The following BBS9 variants were observed in gnomAD, a reference collection of about 807,000 sequenced individuals.
BBS9 encodes protein PTHB1.
BBS9 carries 89 observed loss-of-function variants against 117.7 expected under a neutral mutation model. That is an observed-to-expected ratio of 0.76 (90% confidence interval 0.64 to 0.90). BBS9 has a LOEUF of 0.90. Among genes scored for constraint, BBS9 ranks in the 40% least tolerant of loss-of-function variants. The pLI is 0.00. For missense variants in BBS9, 982 were observed against 1,042.2 expected (o/e 0.94, Z 0.80); for synonymous variants, 379 against 370.9 (o/e 1.02, Z -0.25).
chr7:33,459,178 T>G (rs933179936), intron 19 of BBS9, among the ~76,000 whole-genome samples: 2 of 152,216 alleles, frequency 1.3e-5, no homozygotes, highest in Non-Finnish European at 2.9e-5. Context: ...TTCCCTTTGC[T>G]TGTTCTTTAA....
chr7:33,400,670 A>T (rs1323105559), intron 19 of BBS9, among the ~76,000 whole-genome samples: 3 of 152,164 alleles, frequency 2.0e-5, no homozygotes, highest in African/African-American at 7.2e-5. Flanking sequence ...CTGTTTTTAT[A>T]AGCATATCTA....
chr7:33,357,794 AT>A, intron 15 of BBS9, 60 bp from the exon 16 acceptor site: 248 of 1,521,504 alleles, frequency 1.6e-4, no homozygotes, highest in Non-Finnish European at 1.9e-4. Flanking sequence ...TAGTAGTACA[AT>A]TTTTTTTTGC....
Position 33,379,148 on chromosome 7 carries a change from T to C in BBS9, c.1790-4518T>C, listed in dbSNP as rs541851296. Among the ~76,000 whole-genome samples the C allele has an allele frequency of 7.2e-5, 11 of 152,370 alleles. No homozygotes were observed. The South Asian group carries it at 2.3e-3, about 32-fold the overall frequency. On this transcript the variant is annotated intron_variant, in intron 17 of 22. Coordinates refer to ENST00000242067, the MANE Select transcript of BBS9 (RefSeq NM_198428.3). Reference sequence around the variant, plus strand: ...TCCTCGTCTGTGTTTTATAAACACATTTCTGCCTCAGTGCCTTTGTCCCTA... The same window carrying C: ...TCCTCGTCTGTGTTTTATAAACACACTTCTGCCTCAGTGCCTTTGTCCCTA...
chr7:33,515,156 TA>T (rs1176805196), intron 20 of BBS9, among the ~76,000 whole-genome samples: 1 of 152,234 alleles, frequency 6.6e-6, no homozygotes, highest in African/African-American at 2.4e-5. Flanking sequence ...AACTATGATG[TA>T]ATAGTTTTAT....
chr7:33,436,991 G>T (rs1315619540), intron 19 of BBS9, among the ~76,000 whole-genome samples: 1 of 152,158 alleles, frequency 6.6e-6, no homozygotes, highest in Non-Finnish European at 1.5e-5. Context: ...GGTGAGATTT[G>T]TACATGAGTG....
At chr7:33,192,678 C>T (rs1784319361) in intron 5 of BBS9, among the ~76,000 whole-genome samples, 3 of 152,146 alleles carry the variant, frequency 2.0e-5, no homozygotes, top group Non-Finnish European at 2.9e-5. Context: ...ACACCTGAGA[C>T]TGGGTAATTT....
At chr7:33,131,347 G>C (rs1789584263) in intron 1 of BBS9, among the ~76,000 whole-genome samples, 1 of 152,212 alleles carries the variant, frequency 6.6e-6, no homozygotes, top group Non-Finnish European at 1.5e-5. Flanking sequence ...ACTTGTTTAA[G>C]ATCATGTAGT....
chr7:33,253,241 C>T (rs1413138447), intron 5 of BBS9, among the ~76,000 whole-genome samples: 1 of 152,150 alleles, frequency 6.6e-6, no homozygotes, highest in South Asian at 2.1e-4. Flanking sequence ...GATCTTTAGG[C>T]TCAGATTAGG....
At chr7:33,508,077 A>G (rs1846399009) in intron 20 of BBS9, among the ~76,000 whole-genome samples, 1 of 152,246 alleles carries the variant, frequency 6.6e-6, no homozygotes, top group African/African-American at 2.4e-5. Flanking sequence ...AAATTACACA[A>G]TTTATATTTT....
At chr7:33,262,024 T>C (rs939887236) in intron 6 of BBS9, among the ~76,000 whole-genome samples, 5 of 152,208 alleles carry the variant, frequency 3.3e-5, no homozygotes, top group African/African-American at 1.2e-4. Context: ...GTTTTAGAAA[T>C]AGATTTTTAC....
intron 9 of BBS9, among the ~76,000 whole-genome samples, chr7:33,281,267 T>C (rs191042298): frequency 8.6e-4 from 131 of 151,918 alleles, no homozygotes; most frequent in Middle Eastern, 3.4e-3. Context: ...TAAAATGACC[T>C]CTTTTGGGTT....
Position 33,436,835 on chromosome 7 carries a change from A to G in BBS9, c.2115+48691A>G, listed in dbSNP as rs186984041. Among the ~76,000 whole-genome samples the G allele has an allele frequency of 4.6e-5, 7 of 152,374 alleles. No homozygotes were observed. The East Asian group carries it at 1.3e-3, about 29-fold the overall frequency. The stretch of plus-strand genomic sequence containing the variant: ...TGTTCTCATTGTTAATAGATGCCAG[A>G]TAAATGTTTTCCAGATTATCTTGAA... On this transcript the variant is annotated intron_variant, in intron 19 of 22. Coordinates refer to ENST00000242067, the MANE Select transcript of BBS9 (RefSeq NM_198428.3).
chr7:33,241,763 T>A (rs1031125640), intron 5 of BBS9, among the ~76,000 whole-genome samples: 1 of 152,106 alleles, frequency 6.6e-6, no homozygotes, highest in Non-Finnish European at 1.5e-5. Flanking sequence ...ATTTTTTATT[T>A]CTCAAATTTC....
chr7:33,423,819 C>A (rs1584773653), intron 19 of BBS9, among the ~76,000 whole-genome samples: 1 of 152,076 alleles, frequency 6.6e-6, no homozygotes, highest in African/African-American at 2.4e-5. Flanking sequence ...CAGGGGGTAG[C>A]CATGATTTGG....
At position 33,527,489 on chromosome 7, in the gene BBS9, C is replaced by T. The variant is rs960414010; in HGVS notation, c.2299-6465C>T. The stretch of plus-strand genomic sequence containing the variant: ...AAGCGGGTCTGAAAAGCGCAATATT[C>T]GGGTGGGAGTGACCCGATTTTCCAG... On this transcript the variant is annotated intron_variant, in intron 20 of 22. Transcript: ENST00000242067. 5.3e-4 allele frequency among the ~76,000 whole-genome samples: 80 copies of T among 152,296 alleles called. 1 individual carries two copies. Among genetic ancestry groups the T allele is most frequent in the Non-Finnish European group, 3.8e-4 (26 of 68,022 alleles).
At chr7:33,587,318 G>A (rs1180401270) in intron 21 of BBS9, among the ~76,000 whole-genome samples, 1 of 151,858 alleles carries the variant, frequency 6.6e-6, no homozygotes, top group Non-Finnish European at 1.5e-5. Flanking sequence ...TTGTTCTGTA[G>A]TGTTTCCACA....
At chr7:33,163,795 T>G (rs572216646) in intron 4 of BBS9, among the ~76,000 whole-genome samples, 21 of 152,328 alleles carry the variant, frequency 1.4e-4, no homozygotes, top group African/African-American at 5.0e-4. Flanking sequence ...CTGGATTCAC[T>G]GATTTTTTGA....
chr7:33,407,256 A>T (rs1399549145), intron 19 of BBS9, among the ~76,000 whole-genome samples: 1 of 152,088 alleles, frequency 6.6e-6, no homozygotes, highest in Non-Finnish European at 1.5e-5. Context: ...TTCTTCACTT[A>T]GTTCTCAAGC....
At chr7:33,311,731 C>G (rs901881220) in intron 9 of BBS9, among the ~76,000 whole-genome samples, 1 of 151,950 alleles carries the variant, frequency 6.6e-6, no homozygotes, top group Non-Finnish European at 1.5e-5. Flanking sequence ...ACAGGATAAT[C>G]GCTTGAACCT....
Sources: allele counts gnomAD v4.1 joint callset (sites outside exome capture counted in the v4.1 genomes callset), GRCh38; gene constraint gnomAD v4.1.1; transcripts MANE v1.5; gene names NCBI Gene and HGNC (gene_info 2026-07-23, HGNC 2026-07-21).